PAPSS2: variants seen among roughly 807,000 people sequenced by gnomAD.
The protein encoded by PAPSS2 is 3'-phosphoadenosine 5'-phosphosulfate synthase 2.
A neutral mutation model predicts 66.5 loss-of-function variants in PAPSS2; 61 were observed. The observed-to-expected ratio is 0.92, with a 90% CI of 0.75 to 1.14. The LOEUF is 1.14. Ranked by LOEUF, PAPSS2 falls within the 50% of genes most tolerant of loss-of-function variation. PAPSS2 has a pLI of 0.00. For missense variants in PAPSS2, 708 were observed against 789.6 expected (o/e 0.90, Z 1.24); for synonymous variants, 289 against 287.5 (o/e 1.01, Z -0.05).
rs550402723 is a variant in PAPSS2, at chr10:87,744,999, T to C, written c.1492-3T>C. On this transcript the variant is annotated splice_region_variant and splice_polypyrimidine_tract_variant and intron_variant, in intron 11 of 12. Coordinates refer to ENST00000456849, the MANE Select transcript of PAPSS2 (RefSeq NM_001015880.2). ...CAGCATGTCCCTTATGGACATTTTC[T>C]AGGTCCAGTGGCACTGCAGGTCCCG... 8.1e-6 allele frequency: 13 copies of C among 1,613,098 alleles called. No individual in the cohort carries two copies. The African/African-American group carries it at 1.7e-4, about 21-fold the overall frequency.
intron 1 of PAPSS2, chr10:87,660,364 G>A (rs2131889278): frequency 2.2e-6 from 1 of 448,272 alleles, no homozygotes; most frequent in East Asian, 4.3e-5. Flanking sequence ...CTTTTCTTCT[G>A]TAGGGTCTCG....
At chr10:87,690,542 A>G (rs572015147) in intron 1 of PAPSS2, among the ~76,000 whole-genome samples, 1 of 152,132 alleles carries the variant, frequency 6.6e-6, no homozygotes, top group Non-Finnish European at 1.5e-5. Context: ...TGTGGATGTG[A>G]CTTATGCAAT....
chr10:87,706,097 T>TAC (rs1196478156), intron 1 of PAPSS2, among the ~76,000 whole-genome samples: 8 of 104,200 alleles, frequency 7.7e-5, no homozygotes, highest in African/African-American at 3.9e-4. Flanking sequence ...TATATATATA[T>TAC]ATATATATAT....
At chr10:87,687,964 A>AT (rs1165094992) in intron 1 of PAPSS2, among the ~76,000 whole-genome samples, 1 of 152,106 alleles carries the variant, frequency 6.6e-6, no homozygotes, top group Non-Finnish European at 1.5e-5. Context: ...AATGCCACCT[A>AT]TTTTCTTTCA....
chr10:87,713,016 C>A, intron 2 of PAPSS2, 59 bp from the exon 3 acceptor site: 1 of 900,432 alleles, frequency 1.1e-6, no homozygotes. Context: ...GATTAGTTCA[C>A]AATTTGTCAT....
chr10:87,662,198 C>T (rs1208984639), intron 1 of PAPSS2, among the ~76,000 whole-genome samples: 1 of 152,170 alleles, frequency 6.6e-6, no homozygotes, highest in Admixed American at 6.5e-5. Context: ...GCAGCCACTA[C>T]AGTAACTTCA....
chr10:87,715,807 T>A lies in PAPSS2; in HGVS notation c.829T>A (p.Tyr277Asn), dbSNP rs1323037408. 9.3e-6 allele frequency: 15 copies of A among 1,612,040 alleles called. No homozygotes were observed. The highest frequency in any genetic ancestry group is 1.3e-5 in the African/African-American group (1 of 74,838). Residue 277 changes from tyrosine to asparagine, a missense_variant, in exon 7 of 13, where the codon TAC becomes AAC. Coordinates refer to ENST00000456849, the MANE Select transcript of PAPSS2 (RefSeq NM_001015880.2). ...CAAAGGTTTCATGCGGGAGAAGGAG[T>A]ACTTACAGGTTATGCACTTTGACAC... ...PLKGFMREKEYLQVMHFDTLL... is the reference protein window; with the variant it reads ...PLKGFMREKENLQVMHFDTLL...
intron 7 of PAPSS2, among the ~76,000 whole-genome samples, chr10:87,719,183 G>A (rs987999535): frequency 3.3e-5 from 5 of 152,132 alleles, no homozygotes; most frequent in African/African-American, 7.2e-5. Context: ...ACCACTCGCC[G>A]TATGTTAAGT....
chr10:87,693,340 G>A (rs1412464762), intron 1 of PAPSS2, among the ~76,000 whole-genome samples: 1 of 152,186 alleles, frequency 6.6e-6, no homozygotes, highest in African/African-American at 2.4e-5. Context: ...CCAGTGCATG[G>A]TGTTTAGACA....
At chr10:87,687,469 A>C (rs1349001290) in intron 1 of PAPSS2, among the ~76,000 whole-genome samples, 1 of 152,212 alleles carries the variant, frequency 6.6e-6, no homozygotes, top group African/African-American at 2.4e-5. Flanking sequence ...CCATTTCAAA[A>C]AGTGATGCAG....
intron 9 of PAPSS2, 96 bp from the exon 10 acceptor site, chr10:87,741,139 T>C: frequency 7.7e-7 from 1 of 1,298,170 alleles, no homozygotes; most frequent in Non-Finnish European, 1.1e-6. Flanking sequence ...GGCAGTTCTT[T>C]AACTGTAACC....
At chr10:87,677,343 T>G (rs1852962415) in intron 1 of PAPSS2, among the ~76,000 whole-genome samples, 1 of 152,346 alleles carries the variant, frequency 6.6e-6, no homozygotes, top group South Asian at 2.1e-4. Context: ...TTCTTCTTCC[T>G]TCTATATTAT....
At chr10:87,680,426 A>T (rs1853005254) in intron 1 of PAPSS2, among the ~76,000 whole-genome samples, 1 of 152,140 alleles carries the variant, frequency 6.6e-6, no homozygotes, top group Non-Finnish European at 1.5e-5. Flanking sequence ...GCTTTCATTC[A>T]TCAATGGAAT....
At chr10:87,688,611 C>T (rs967142537) in intron 1 of PAPSS2, among the ~76,000 whole-genome samples, 1 of 151,938 alleles carries the variant, frequency 6.6e-6, no homozygotes, top group Non-Finnish European at 1.5e-5. Flanking sequence ...AGGCGCCCGC[C>T]ACCACGCCTG....
In PAPSS2 at chr10:87,743,287, TA is replaced by T. The variant is rs2131731005; in HGVS notation, c.1223-83del. The T allele has an allele frequency of 4.1e-6, 5 of 1,220,284 alleles. No homozygotes were observed. In the East Asian group the frequency reaches 1.2e-4, roughly 29 times the overall value. The allele number at this position is 1,220,284 out of a possible 1,614,324, so 75.6% of individuals were successfully genotyped here. On this transcript the variant is annotated intron_variant, in intron 10 of 12. Coordinates refer to ENST00000456849, the MANE Select transcript of PAPSS2 (RefSeq NM_001015880.2). The stretch of plus-strand genomic sequence containing the variant: ...AGTGGATAATGAATGCACAGAACAA[TA>T]AACATAGCTGTGTCCTTTCTGTTCT...
intron 7 of PAPSS2, among the ~76,000 whole-genome samples, chr10:87,717,883 G>A (rs781597113): frequency 1.1e-4 from 16 of 152,178 alleles, no homozygotes; most frequent in Non-Finnish European, 2.1e-4. Flanking sequence ...ATTCTTAAAA[G>A]AGTCTGTGAT....
chr10:87,744,552 GGTAA>G (rs776206664), intron 11 of PAPSS2, among the ~76,000 whole-genome samples: 5 of 152,188 alleles, frequency 3.3e-5, no homozygotes, highest in Non-Finnish European at 7.3e-5. Context: ...CTTTAAAGAG[GGTAA>G]GTGTTATGTT....
In PAPSS2 at chr10:87,741,217, TAAC is replaced by T. The variant is rs780783073; in HGVS notation, c.1087-15_1087-13del. 12 of 1,612,880 alleles carry T rather than the reference TAAC, an allele frequency of 7.4e-6. No homozygotes were observed. The South Asian group carries it at 1.3e-4, about 18-fold the overall frequency. ...AATCACAATTAATCATTAGCAATCA[TAAC>T]AATGTTCTTTCTAGATGGTGATGGA... On this transcript the variant is annotated splice_polypyrimidine_tract_variant and intron_variant, in intron 9 of 12. Coordinates refer to ENST00000456849, the MANE Select transcript of PAPSS2 (RefSeq NM_001015880.2).
At chr10:87,691,497 A>C (rs1853170970) in intron 1 of PAPSS2, among the ~76,000 whole-genome samples, 3 of 152,124 alleles carry the variant, frequency 2.0e-5, no homozygotes, top group African/African-American at 7.2e-5. Flanking sequence ...TTAAAAAAAA[A>C]AAAAGGCAAC....
Sources: gnomAD v4.1 joint callset for allele counts (sites outside exome capture counted in the v4.1 genomes callset) on GRCh38, gnomAD v4.1.1 for gene constraint, MANE v1.5 for transcripts, NCBI Gene and HGNC (gene_info 2026-07-23, HGNC 2026-07-21) for gene names.